The following ANP32A variants were observed in gnomAD, a reference collection of about 807,000 sequenced individuals.
ANP32A encodes the protein acidic leucine-rich nuclear phosphoprotein 32 family member A.
In ANP32A, 1 loss-of-function variant was observed where a neutral mutation model predicts 33.9. The observed-to-expected ratio is 0.03, with a 90% confidence interval of 0.01 to 0.14. The LOEUF (loss-of-function observed/expected upper bound fraction) is 0.14, where lower values mean the gene tolerates loss of function less well. Among genes scored for constraint, ANP32A ranks in the 10% least tolerant of loss-of-function variants. The pLI, the probability that ANP32A is intolerant of heterozygous loss-of-function variation, is 1.00. For missense variants in ANP32A, 155 were observed against 306.0 expected (o/e 0.51, Z 3.68); for synonymous variants, 115 against 120.5 (o/e 0.95, Z 0.30).
intron 1 of ANP32A, among the ~76,000 whole-genome samples, chr15:68,814,654 C>T (rs1596076501): frequency 6.6e-6 from 1 of 152,142 alleles, no homozygotes. Context: ...TATAACCATT[C>T]CTTCCGTTCA....
chr15:68,782,739 T>A, intron 5 of ANP32A: 1 of 809,352 alleles, frequency 1.2e-6, no homozygotes, highest in Non-Finnish European at 1.9e-6. Context: ...TAAAATCCTC[T>A]TCCCCTCTTC....
chr15:68,800,118 G>A lies in ANP32A; in HGVS notation c.55-12199C>T, dbSNP rs575232999. On this transcript the variant is annotated intron_variant, in intron 1 of 6. Transcript: ENST00000465139. ...AAGAGCTTCATACATAAAGAGTGCT[G>A]GATGCTTATTAGATGAATTAATAAT... Among the ~76,000 whole-genome samples, 169 of 152,284 alleles carry A rather than the reference G, an allele frequency of 1.1e-3. 3 individuals carry two copies. Among genetic ancestry groups the A allele is most frequent in the African/African-American group, 3.8e-3 (160 of 41,560 alleles).
chr15:68,787,270 C>G (rs1893944411), intron 3 of ANP32A, 143 bp downstream of exon 3: 1 of 1,221,922 alleles, frequency 8.2e-7, no homozygotes, highest in Admixed American at 2.2e-5. Flanking sequence ...TCAGCAGAAA[C>G]AATAGCTCAA....
chr15:68,800,931 G>A (rs1224645664), intron 1 of ANP32A, among the ~76,000 whole-genome samples: 1 of 151,954 alleles, frequency 6.6e-6, no homozygotes, highest in Non-Finnish European at 1.5e-5. Context: ...TCCTGAGTGG[G>A]TGGCATGCTT....
chr15:68,800,054 C>A lies in ANP32A; in HGVS notation c.55-12135G>T, dbSNP rs1224392954. Among the ~76,000 whole-genome samples the A allele has an allele frequency of 7.5e-5, 8 of 106,450 alleles. No homozygotes were observed. The East Asian group carries it at 1.7e-3, about 23-fold the overall frequency. The allele number at this position is 106,450 out of a possible 152,430, so 69.8% of individuals were successfully genotyped here. On this transcript the variant is annotated intron_variant, in intron 1 of 6. Coordinates refer to ENST00000465139, the MANE Select transcript of ANP32A (RefSeq NM_006305.4). ...CTCTGAAAACTTGGGAGCTTCCTGT[C>A]CCTGTATGAATCACAAGGCTGTTAA...
intron 1 of ANP32A, among the ~76,000 whole-genome samples, chr15:68,813,868 G>GTTTTTTTTT (rs34385351): frequency 3.4e-5 from 4 of 118,344 alleles, no homozygotes; most frequent in South Asian, 2.8e-4. Flanking sequence ...TTTCCAGGAA[G>GTTTTTTTTT]TTTTTTTTTT....
At chr15:68,815,415 T>C (rs138633605) in intron 1 of ANP32A, among the ~76,000 whole-genome samples, 2,095 of 152,318 alleles carry the variant, frequency 0.014, 20 homozygotes, top group Non-Finnish European at 0.019. Flanking sequence ...ACAATTTTTT[T>C]TTTGTAACGA....
chr15:68,799,294 CAGAG>C (rs777475503), intron 1 of ANP32A, among the ~76,000 whole-genome samples: 6 of 152,080 alleles, frequency 3.9e-5, no homozygotes, highest in Non-Finnish European at 7.4e-5. Context: ...CAGACACAGA[CAGAG>C]AAAGACACGA....
At chr15:68,802,149 CT>C (rs967188228) in intron 1 of ANP32A, among the ~76,000 whole-genome samples, 33 of 151,568 alleles carry the variant, frequency 2.2e-4, no homozygotes, top group African/African-American at 7.3e-4. Flanking sequence ...AAGGTCACCT[CT>C]TTTTTTTTCT....
At chr15:68,784,349 AGGCCTCAGCTG>A in intron 4 of ANP32A, 37 bp downstream of exon 4, 1 of 1,594,410 alleles carries the variant, frequency 6.3e-7, no homozygotes, top group Non-Finnish European at 8.6e-7. Flanking sequence ...ACGAGCCCCA[AGGCCTCAGCTG>A]GGCCCCTGCA....
rs184867669 is a variant in ANP32A at position 68,780,348 on chromosome 15, A to G, written c.688+62T>C. On this transcript the variant is annotated intron_variant, in intron 6 of 6. Transcript: ENST00000465139. This position sits in a 1 kb window ranked among gnomAD's most constrained non-coding sequence, Gnocchi z 4.3. Reference sequence around the variant, plus strand: ...CTGCCAGGGGCCTCTGAGTCTAAGCAATCTAAGGCCAAAGTGAAAGGGCCA... The same window carrying G: ...CTGCCAGGGGCCTCTGAGTCTAAGCGATCTAAGGCCAAAGTGAAAGGGCCA... The G allele has an allele frequency of 1.8e-4, 294 of 1,612,152 alleles. 2 individuals are homozygous for G. The African/African-American group carries it at 3.2e-3, about 17-fold the overall frequency.
At chr15:68,804,787 G>A (rs1054944784) in intron 1 of ANP32A, among the ~76,000 whole-genome samples, 5 of 152,240 alleles carry the variant, frequency 3.3e-5, no homozygotes, top group Non-Finnish European at 7.3e-5. Flanking sequence ...TGCTGAGATT[G>A]TAGGCGTGAG....
At chr15:68,817,784 A>G (rs1332616769) in intron 1 of ANP32A, 1 of 152,092 alleles carries the variant, frequency 6.6e-6, no homozygotes, top group African/African-American at 2.4e-5. Context: ...GGAAACCCCC[A>G]TCGGGGCTCA....
intron 1 of ANP32A, among the ~76,000 whole-genome samples, chr15:68,810,723 A>G (rs1315718919): frequency 6.6e-6 from 1 of 152,172 alleles, no homozygotes; most frequent in Non-Finnish European, 1.5e-5. Flanking sequence ...GAGCCGTAGA[A>G]GATATACCAG....
chr15:68,789,972 T>A (rs1893979525), intron 1 of ANP32A: 1 of 152,256 alleles, frequency 6.6e-6, no homozygotes, highest in Admixed American at 6.5e-5. Flanking sequence ...ATAAATCCTG[T>A]GAGGCCTTCT....
intron 3 of ANP32A, among the ~76,000 whole-genome samples, chr15:68,785,267 A>G (rs1265110926): frequency 6.6e-6 from 1 of 152,200 alleles, no homozygotes; most frequent in Non-Finnish European, 1.5e-5. Flanking sequence ...ATGGTATTTG[A>G]CACGATGTGC....
rs1555424025 is a variant in ANP32A at position 68,807,428 on chromosome 15, G to GGC, written c.54+13269_54+13270insGC. On this transcript the variant is annotated intron_variant, in intron 1 of 6. Coordinates refer to ENST00000465139, the MANE Select transcript of ANP32A (RefSeq NM_006305.4). ...CTCCCGCCCCACCTCCACAGAAAAC[G>GGC]GGGGGGGGGGAGTCTCTCCTTTGCC... Among the ~76,000 whole-genome samples, 19 of 17,754 alleles carry GGC rather than the reference G, an allele frequency of 1.1e-3. 1 individual carries two copies. In the Non-Finnish European group the frequency reaches 0.013, roughly 12 times the overall value. 11.6% of individuals were successfully genotyped at this position (17,754 alleles called of 152,430 possible).
chr15:68,794,598 A>T (rs1201716741), intron 1 of ANP32A, among the ~76,000 whole-genome samples: 1 of 152,198 alleles, frequency 6.6e-6, no homozygotes, highest in East Asian at 1.9e-4. Flanking sequence ...CCTGTTGCAG[A>T]TCCCATTTCA....
At chr15:68,782,506 C>T (rs777574804) in intron 5 of ANP32A, among the ~76,000 whole-genome samples, 1 of 152,190 alleles carries the variant, frequency 6.6e-6, no homozygotes, top group African/African-American at 2.4e-5. Flanking sequence ...ACTCCTGGTG[C>T]TCTATTTCCA....
Sources: allele counts gnomAD v4.1 joint callset (sites outside exome capture counted in the v4.1 genomes callset), GRCh38; gene constraint gnomAD v4.1.1; non-coding constraint Gnocchi (gnomAD v3.1); transcripts MANE v1.5; gene names NCBI Gene and HGNC (gene_info 2026-07-23, HGNC 2026-07-21).